The following GFPT2 variants were observed in gnomAD, a reference collection of about 807,000 sequenced individuals.
The protein encoded by GFPT2 is glutamine--fructose-6-phosphate aminotransferase [isomerizing] 2.
Under a neutral mutation model 85.6 loss-of-function variants are expected in GFPT2, and 62 were observed. The ratio of observed to expected loss-of-function variants is 0.72; its 90% CI spans 0.59 to 0.90. The LOEUF (loss-of-function observed/expected upper bound fraction) is 0.90. Ranked by LOEUF, GFPT2 falls within the 40% of genes least tolerant of loss-of-function variation. The pLI, the probability that GFPT2 is intolerant of heterozygous loss-of-function variation, is 0.00. For missense variants in GFPT2, 788 were observed against 893.4 expected (o/e 0.88, Z 1.50); for synonymous variants, 368 against 344.5 (o/e 1.07, Z -0.75).
chr5:180,309,724 C>T (rs1292242656), intron 15 of GFPT2, among the ~76,000 whole-genome samples: 1 of 151,760 alleles, frequency 6.6e-6, no homozygotes, highest in African/African-American at 2.4e-5. Context: ...AGTAGAAAGG[C>T]GCTACGTGTA....
At chr5:180,341,560 T>C (rs912472107) in intron 1 of GFPT2, among the ~76,000 whole-genome samples, 1 of 152,274 alleles carries the variant, frequency 6.6e-6, no homozygotes, top group South Asian at 2.1e-4. Context: ...TACTGAAAGC[T>C]ACTGTACACA....
intron 14 of GFPT2, 115 bp downstream of exon 14, chr5:180,313,692 C>A: frequency 1.3e-6 from 1 of 756,982 alleles, no homozygotes; most frequent in Non-Finnish European, 2.0e-6. Flanking sequence ...AGGGGTGAGG[C>A]GGGAAGGGGA....
chr5:180,341,745 T>C (rs907099066), intron 1 of GFPT2, among the ~76,000 whole-genome samples: 5 of 152,206 alleles, frequency 3.3e-5, no homozygotes, highest in Non-Finnish European at 4.4e-5. Flanking sequence ...GCTGAATGTA[T>C]GGGCTGTGTG....
At chr5:180,320,641 C>T (rs1367417787) in intron 9 of GFPT2, among the ~76,000 whole-genome samples, 3 of 152,080 alleles carry the variant, frequency 2.0e-5, no homozygotes, top group African/African-American at 4.8e-5. Flanking sequence ...GGTGTGGTGG[C>T]GGGCACCTGT....
intron 1 of GFPT2, among the ~76,000 whole-genome samples, chr5:180,344,797 G>T (rs565258573): frequency 1.4e-4 from 22 of 152,022 alleles, no homozygotes; most frequent in Admixed American, 1.3e-3. Flanking sequence ...CGACAAGAGG[G>T]GCCGGGCCCA....
intron 6 of GFPT2, among the ~76,000 whole-genome samples, chr5:180,329,423 G>A (rs1032395027): frequency 2.0e-5 from 3 of 152,200 alleles, no homozygotes; most frequent in East Asian, 1.9e-4. Context: ...GGTAGGAAAA[G>A]TCTTAAGTTT....
intron 1 of GFPT2, among the ~76,000 whole-genome samples, chr5:180,348,586 T>G (rs1472688125): frequency 2.0e-5 from 3 of 152,080 alleles, no homozygotes; most frequent in Non-Finnish European, 4.4e-5. Flanking sequence ...TGGCTCAGGG[T>G]AAGAAGGGGA....
At chr5:180,316,574 G>C (rs1764014100) in intron 12 of GFPT2, 113 bp from the exon 13 acceptor site, 3 of 1,237,584 alleles carry the variant, frequency 2.4e-6, no homozygotes, top group Middle Eastern at 2.1e-4. Flanking sequence ...TGTCCAGGTG[G>C]CGAGGGGACT....
rs367578148 is a variant in GFPT2 at position 180,324,883 on chromosome 5, G to A, written c.609C>T (p.Pro203=). 1.9e-6 allele frequency: 3 copies of A among 1,609,404 alleles called. No individual in the cohort carries two copies. Among genetic ancestry groups the A allele is most frequent in the East Asian group, 4.5e-5 (2 of 44,854 alleles). Residue 203 remains proline, a synonymous_variant, in exon 8 of 19, where the codon CCC becomes CCT. Transcript: ENST00000253778. ...ATTTGCTCCGGACTCCGATGAGCAG[G>A]GGGCTGCCTCTCCTGTAGGGAGAAA... ...GEAVATRRGS[P]LLIGVRSKYK...
At chr5:180,309,565 C>T (rs934298169) in intron 15 of GFPT2, among the ~76,000 whole-genome samples, 2 of 151,848 alleles carry the variant, frequency 1.3e-5, no homozygotes, top group African/African-American at 4.8e-5. Context: ...GGATTAAAGG[C>T]GCACACCACC....
intron 12 of GFPT2, 33 bp downstream of exon 12, chr5:180,316,731 G>T: frequency 6.7e-7 from 1 of 1,483,288 alleles, no homozygotes; most frequent in Non-Finnish European, 9.4e-7. Flanking sequence ...CTAGACTGCC[G>T]TCGACTTCCC....
chr5:180,319,047 A>G, intron 9 of GFPT2, 91 bp from the exon 10 acceptor site: 1 of 1,210,258 alleles, frequency 8.3e-7, no homozygotes, highest in Non-Finnish European at 1.2e-6. Context: ...TGGAGGCCAC[A>G]TCGTTGGCAT....
In GFPT2 at chr5:180,323,460, T is replaced by C. The variant is rs1581378327; in HGVS notation, c.794+728A>G. Among the ~76,000 whole-genome samples, 1 of 152,132 alleles carries C rather than the reference T, an allele frequency of 6.6e-6. No individual in the cohort carries two copies. The highest frequency in any genetic ancestry group is 2.1e-4 in the South Asian group (1 of 4,820). Reference sequence around the variant, plus strand: ...AACAAAGGCCCAAGCCTTTGGGTCTTTGAAGAAGGTACCAGAGGTGATTAC... The same window carrying C: ...AACAAAGGCCCAAGCCTTTGGGTCTCTGAAGAAGGTACCAGAGGTGATTAC... On this transcript the variant is annotated intron_variant, in intron 9 of 18. Coordinates refer to ENST00000253778, the MANE Select transcript of GFPT2 (RefSeq NM_005110.4). The surrounding 1 kb of genome is among the most constrained non-coding windows in gnomAD (Gnocchi z 4.0).
chr5:180,331,442 C>A (rs1764298376), intron 5 of GFPT2, 53 bp downstream of exon 5: 1 of 1,062,014 alleles, frequency 9.4e-7, no homozygotes, highest in African/African-American at 1.6e-5. Flanking sequence ...TGGAAAGTTT[C>A]TGGGGAGACC....
rs145650642 is a variant in GFPT2, at chr5:180,334,366, C to A, written c.340+1462G>T. Among the ~76,000 whole-genome samples the A allele has an allele frequency of 5.0e-3, 754 of 152,280 alleles. 4 individuals are homozygous for A. Among genetic ancestry groups the A allele is most frequent in the African/African-American group, 0.017 (694 of 41,572 alleles). ...AGAGTGCTCTGGGGAGAAGCAGCAC[C>A]ACTGCACTTTCTGTGGGTGGTGGGG... On this transcript the variant is annotated intron_variant, in intron 4 of 18. Coordinates refer to ENST00000253778, the MANE Select transcript of GFPT2 (RefSeq NM_005110.4).
chr5:180,353,096 C>A, intron 1 of GFPT2, 115 bp downstream of exon 1: 2 of 876,366 alleles, frequency 2.3e-6, no homozygotes, highest in Non-Finnish European at 3.0e-6. Flanking sequence ...CGGGGCAGAT[C>A]GGCGCCCCCA....
rs927186667 is a variant in GFPT2, at chr5:180,330,953, A to T, written c.400-119T>A. On this transcript the variant is annotated intron_variant, in intron 5 of 18. Transcript: ENST00000253778. The surrounding 1 kb of genome is among the most constrained non-coding windows in gnomAD (Gnocchi z 4.4). ...GTGACTTAAGTCAAGAACAGGGAAA[A>T]CCGGGAAGGGGGGAAAAATGTTTGC... is the stretch of plus-strand genomic sequence containing the variant. 15 of 894,696 alleles carry T rather than the reference A, an allele frequency of 1.7e-5. No individual in the cohort carries two copies. In the African/African-American group the frequency reaches 2.3e-4, roughly 14 times the overall value. 55.4% of individuals were successfully genotyped at this position (894,696 alleles called of 1,614,324 possible).
At chr5:180,333,464 G>A (rs761646203) in intron 4 of GFPT2, among the ~76,000 whole-genome samples, 21 of 152,082 alleles carry the variant, frequency 1.4e-4, no homozygotes, top group Non-Finnish European at 2.4e-4. Flanking sequence ...TCGATCTCCC[G>A]ACCTCATGGT....
chr5:180,350,941 G>C (rs561821052), intron 1 of GFPT2, among the ~76,000 whole-genome samples: 2 of 152,294 alleles, frequency 1.3e-5, no homozygotes, highest in South Asian at 2.1e-4. Context: ...TCTGAGACCC[G>C]AGGCCTGCTC....
Sources: allele counts gnomAD v4.1 joint callset (sites outside exome capture counted in the v4.1 genomes callset), GRCh38; gene constraint gnomAD v4.1.1; non-coding constraint Gnocchi (gnomAD v3.1); transcripts MANE v1.5; gene names NCBI Gene and HGNC (gene_info 2026-07-23, HGNC 2026-07-21).